Variants in ZNF385D observed in about 807,000 individuals in gnomAD.
ZNF385D encodes zinc finger protein 385D, also known as zinc finger protein 659.
In ZNF385D, 15 loss-of-function variants were observed where a neutral mutation model predicts 35.8. The ratio of observed to expected loss-of-function variants is 0.42; its 90% CI spans 0.28 to 0.64. ZNF385D has a LOEUF of 0.64. Ranked by LOEUF, ZNF385D falls within the 30% of genes least tolerant of loss-of-function variation. The pLI, the probability that ZNF385D is intolerant of heterozygous loss-of-function variation, is 0.23. For missense variants in ZNF385D, 474 were observed against 494.6 expected (o/e 0.96, Z 0.39); for synonymous variants, 212 against 186.8 (o/e 1.13, Z -1.10).
At chr3:22,197,223 T>C (rs957986528) in intron 2 of ZNF385D, among the ~76,000 whole-genome samples, 3 of 152,066 alleles carry the variant, frequency 2.0e-5, no homozygotes, top group Admixed American at 6.6e-5. Flanking sequence ...TGACATATTT[T>C]GGCAGTAGGA....
Position 22,080,024 on chromosome 3 carries a change from C to T in ZNF385D, c.325+88793G>A, listed in dbSNP as rs527472481. Among the ~76,000 whole-genome samples, 39 of 152,138 alleles carry T rather than the reference C, an allele frequency of 2.6e-4. 2 individuals are homozygous for T. The East Asian group carries it at 7.0e-3, about 27-fold the overall frequency. ...CAGAGAAAGAATATCAAAGTTGTTA[C>T]ACTTTCCTGGTAGACTGCCAACCTA... On this transcript the variant is annotated intron_variant, in intron 3 of 5. Transcript: ENST00000494108.
At chr3:21,940,171 G>A (rs1398502150) in intron 3 of ZNF385D, among the ~76,000 whole-genome samples, 1 of 151,992 alleles carries the variant, frequency 6.6e-6, no homozygotes, top group African/African-American at 2.4e-5. Flanking sequence ...CTATGACGGT[G>A]TCTACTGATA....
intron 1 of ZNF385D, among the ~76,000 whole-genome samples, chr3:21,694,042 C>CTTTTTTTTTTTTTTTTTT (rs35586361): frequency 0.021 from 475 of 22,136 alleles, 143 homozygotes; most frequent in Non-Finnish European, 0.032. Flanking sequence ...CTACGCCTGG[C>CTTTTTTTTTTTTTTTTTT]TTTTTTTTTT....
chr3:22,141,431 T>C (rs533868079), intron 3 of ZNF385D, among the ~76,000 whole-genome samples: 21 of 152,342 alleles, frequency 1.4e-4, no homozygotes, highest in Admixed American at 6.5e-4. Flanking sequence ...TACACTGTTA[T>C]AAATCTTGAT....
chr3:21,604,012 T>G (rs1248288484), intron 2 of ZNF385D, among the ~76,000 whole-genome samples: 1 of 152,060 alleles, frequency 6.6e-6, no homozygotes, highest in Non-Finnish European at 1.5e-5. Flanking sequence ...TTGTGTTGAG[T>G]TGGTGAAACA....
At chr3:22,223,585 A>T (rs1379351228) in intron 2 of ZNF385D, among the ~76,000 whole-genome samples, 1 of 152,154 alleles carries the variant, frequency 6.6e-6, no homozygotes, top group African/African-American at 2.4e-5. Flanking sequence ...TATTAGCAGA[A>T]CATAATGTAT....
At chr3:21,586,137 T>C (rs935511753) in intron 2 of ZNF385D, among the ~76,000 whole-genome samples, 1 of 152,016 alleles carries the variant, frequency 6.6e-6, no homozygotes, top group African/African-American at 2.4e-5. Context: ...GACCAGTGGA[T>C]TGAGGCTGTA....
intron 4 of ZNF385D, among the ~76,000 whole-genome samples, chr3:21,507,152 T>G (rs1706830523): frequency 6.6e-6 from 1 of 152,140 alleles, no homozygotes; most frequent in South Asian, 2.1e-4. Flanking sequence ...TCAACTAGGT[T>G]TACAATGAAA....
chr3:22,120,134 T>A (rs538224973), intron 3 of ZNF385D, among the ~76,000 whole-genome samples: 1 of 151,332 alleles, frequency 6.6e-6, no homozygotes, highest in South Asian at 2.1e-4. Flanking sequence ...CCTGCTGCAT[T>A]TTTTTTTAAT....
chr3:22,219,451 C>T (rs1698112472), intron 2 of ZNF385D, among the ~76,000 whole-genome samples: 2 of 152,134 alleles, frequency 1.3e-5, no homozygotes, highest in South Asian at 2.1e-4. Context: ...ATATATTTTA[C>T]AACCTATTCT....
intron 2 of ZNF385D, among the ~76,000 whole-genome samples, chr3:21,643,489 T>C (rs1023262450): frequency 1.3e-5 from 2 of 152,082 alleles, no homozygotes; most frequent in African/African-American, 2.4e-5. Flanking sequence ...GTGTTCACCA[T>C]AGTTCAAAAG....
At chr3:22,064,241 C>T (rs542844950) in intron 3 of ZNF385D, among the ~76,000 whole-genome samples, 7 of 152,188 alleles carry the variant, frequency 4.6e-5, no homozygotes, top group East Asian at 3.9e-4. Flanking sequence ...TAATCCTCTC[C>T]GAAGGGGTCA....
At chr3:22,202,510 C>T (rs1696866817) in intron 2 of ZNF385D, among the ~76,000 whole-genome samples, 1 of 152,036 alleles carries the variant, frequency 6.6e-6, no homozygotes, top group Admixed American at 6.6e-5. Flanking sequence ...CAAATGGAAG[C>T]TTCTACTGAC....
At chr3:22,214,725 G>T (rs903347085) in intron 2 of ZNF385D, among the ~76,000 whole-genome samples, 1 of 151,840 alleles carries the variant, frequency 6.6e-6, no homozygotes, top group African/African-American at 2.4e-5. Context: ...ATAAATTTTT[G>T]ATCAGACCAG....
At chr3:22,133,978 A>C (rs1703956492) in intron 3 of ZNF385D, 1 of 152,144 alleles carries the variant, frequency 6.6e-6, no homozygotes, top group Non-Finnish European at 1.5e-5. Flanking sequence ...GAAACTGCAT[A>C]GAATGTTCTG....
intron 5 of ZNF385D, chr3:21,431,169 T>G (rs911683198): frequency 6.6e-6 from 1 of 152,306 alleles, no homozygotes; most frequent in African/African-American, 2.4e-5. Flanking sequence ...AACTTTCCAC[T>G]GTTTTGCACT....
chr3:22,362,285 A>AT (rs377512433), intron 2 of ZNF385D, among the ~76,000 whole-genome samples: 1,980 of 151,356 alleles, frequency 0.013, 31 homozygotes, highest in African/African-American at 0.028. Flanking sequence ...ACTTGCATTG[A>AT]TTTTTTTTTA....
intron 3 of ZNF385D, among the ~76,000 whole-genome samples, chr3:22,037,887 C>T (rs113498554): frequency 0.11 from 16,582 of 151,990 alleles, 1,093 homozygotes; most frequent in African/African-American, 0.18. Context: ...GAGATATAGA[C>T]CAATGGAACA....
intron 2 of ZNF385D, among the ~76,000 whole-genome samples, chr3:22,244,718 C>T (rs1437507895): frequency 1.3e-5 from 2 of 151,088 alleles, no homozygotes; most frequent in Admixed American, 6.6e-5. Context: ...TTTCAGAAAA[C>T]TTCCAAATGC....
Sources: gnomAD v4.1 joint callset for allele counts (sites outside exome capture counted in the v4.1 genomes callset) on GRCh38, gnomAD v4.1.1 for gene constraint, MANE v1.5 for transcripts, NCBI Gene and HGNC (gene_info 2026-07-23, HGNC 2026-07-21) for gene names.